Variants in COL22A1 observed in about 807,000 individuals in gnomAD.
COL22A1 encodes the protein collagen alpha-1(XXII) chain.
A neutral mutation model predicts 248.9 loss-of-function variants in COL22A1; 221 were observed. The observed-to-expected ratio is 0.89, with a 90% CI of 0.80 to 0.99. The LOEUF (loss-of-function observed/expected upper bound fraction) is 0.99. Ranked by LOEUF, COL22A1 falls within the 50% of genes least tolerant of loss-of-function variation. The probability of loss-of-function intolerance (pLI) is 0.00; values close to 1 mark genes in which losing one functional copy is unlikely to be tolerated. For missense variants in COL22A1, 2,240 were observed against 2,179.0 expected (o/e 1.03, Z -0.56); for synonymous variants, 891 against 793.4 (o/e 1.12, Z -2.07).
chr8:138,776,089 A>G, intron 15 of COL22A1, 79 bp from the exon 16 acceptor site: 1 of 1,443,144 alleles, frequency 6.9e-7, no homozygotes, highest in Non-Finnish European at 9.8e-7. Context: ...TCCATGGAGA[A>G]ACTGCCTGGC....
chr8:138,813,049 G>C (rs773680189), intron 7 of COL22A1, 30 bp from the exon 8 acceptor site: 5 of 1,581,744 alleles, frequency 3.2e-6, no homozygotes, highest in Non-Finnish European at 4.3e-6. Flanking sequence ...GAGAGGATAA[G>C]TTTTAGGGAC....
chr8:138,715,778 G>A (rs770750296), intron 29 of COL22A1, 43 bp from the exon 30 acceptor site: 19 of 1,418,112 alleles, frequency 1.3e-5, no homozygotes, highest in African/African-American at 2.9e-5. Flanking sequence ...AACCCAAACC[G>A]AGCTGAATTC....
intron 60 of COL22A1, among the ~76,000 whole-genome samples, chr8:138,600,320 C>T (rs868084921): frequency 6.6e-6 from 1 of 152,158 alleles, no homozygotes; most frequent in South Asian, 2.1e-4. Flanking sequence ...AAAGAAGAGA[C>T]ACCAGATGGT....
chr8:138,602,091 A>G (rs998870981), intron 60 of COL22A1, 24 bp downstream of exon 60: 2 of 1,613,816 alleles, frequency 1.2e-6, no homozygotes, highest in Admixed American at 1.7e-5. Flanking sequence ...CGGCGTGTTC[A>G]AGGTGCCTGT....
At chr8:138,867,140 A>G (rs1336426305) in intron 3 of COL22A1, among the ~76,000 whole-genome samples, 1 of 152,096 alleles carries the variant, frequency 6.6e-6, no homozygotes, top group African/African-American at 2.4e-5. Flanking sequence ...TCCCAGTGTG[A>G]GAGCAGCCAT....
intron 3 of COL22A1, among the ~76,000 whole-genome samples, chr8:138,845,227 G>A (rs889339254): frequency 6.6e-6 from 1 of 151,986 alleles, no homozygotes; most frequent in Non-Finnish European, 1.5e-5. Context: ...CTAAAAAGTT[G>A]GAAGAAGGGC....
intron 49 of COL22A1, 125 bp downstream of exon 49, chr8:138,634,885 C>A (rs1202492829): frequency 4.1e-6 from 3 of 739,716 alleles, no homozygotes; most frequent in Non-Finnish European, 7.0e-6. Context: ...ACTCTGTCAC[C>A]TTTTGGGTGT....
intron 34 of COL22A1, 82 bp from the exon 35 acceptor site, chr8:138,693,781 T>C: frequency 7.1e-7 from 1 of 1,412,634 alleles, no homozygotes; most frequent in Non-Finnish European, 9.8e-7. Context: ...GTCTCGGGAA[T>C]ACCGTGCTCA....
intron 27 of COL22A1, among the ~76,000 whole-genome samples, chr8:138,718,501 T>C (rs1189373123): frequency 6.6e-6 from 1 of 152,244 alleles, no homozygotes; most frequent in Non-Finnish European, 1.5e-5. Context: ...CGGTATCTTC[T>C]TGAATTCTCG....
intron 56 of COL22A1, 118 bp from the exon 57 acceptor site, chr8:138,608,107 G>T: frequency 1.3e-6 from 1 of 786,864 alleles, no homozygotes; most frequent in Non-Finnish European, 2.0e-6. Flanking sequence ...ACTCTAGCCA[G>T]TGTGGCTCTC....
At position 138,785,347 on chromosome 8, in the gene COL22A1, G is replaced by A. The variant is rs554789647; in HGVS notation, c.1597-4367C>T. On this transcript the variant is annotated intron_variant, in intron 12 of 64. Transcript: ENST00000303045. The stretch of plus-strand genomic sequence containing the variant: ...CTACCTGCCTCTTGCACTAACCTGG[G>A]CAAATGATGATGTCCATTTCCAGGG... Among the ~76,000 whole-genome samples, 6 of 152,282 alleles carry A rather than the reference G, an allele frequency of 3.9e-5. No homozygotes were observed. The South Asian group carries it at 1.2e-3, about 32-fold the overall frequency.
At chr8:138,670,124 C>T (rs1487849962) in intron 41 of COL22A1, among the ~76,000 whole-genome samples, 2 of 152,076 alleles carry the variant, frequency 1.3e-5, no homozygotes, top group Admixed American at 6.5e-5. Flanking sequence ...TGACCTCAGG[C>T]AATTCACCTG....
At chr8:138,772,335 G>T (rs1312146077) in intron 16 of COL22A1, among the ~76,000 whole-genome samples, 1 of 152,198 alleles carries the variant, frequency 6.6e-6, no homozygotes, top group Non-Finnish European at 1.5e-5. Flanking sequence ...ATATGTGTGT[G>T]GGGGTGGGTG....
intron 64 of COL22A1, 79 bp downstream of exon 64, chr8:138,591,345 C>T (rs1817023624): frequency 7.7e-6 from 8 of 1,040,860 alleles, no homozygotes; most frequent in Non-Finnish European, 9.6e-6. Flanking sequence ...ACTGCTGAGT[C>T]CTGTGGGGCC....
chr8:138,685,419 T>C lies in COL22A1; in HGVS notation c.2863-107A>G. 6 of 852,186 alleles carry C rather than the reference T, an allele frequency of 7.0e-6. No homozygotes were observed. The South Asian group carries it at 9.1e-5, about 13-fold the overall frequency. 52.8% of individuals were successfully genotyped at this position (852,186 alleles called of 1,614,324 possible). A position where few individuals can be genotyped will look rare whatever the true frequency, so the allele number is the denominator to read the frequency against. On this transcript the variant is annotated intron_variant, in intron 37 of 64. Transcript: ENST00000303045. ...TGTAGGTTTCCTGGGGCTGCCTTTA[T>C]GATTTTAGAAGGCCCATGCTTTCTG...
chr8:138,813,317 T>C (rs1332714461), intron 7 of COL22A1, among the ~76,000 whole-genome samples: 2 of 152,014 alleles, frequency 1.3e-5, no homozygotes, highest in African/African-American at 4.8e-5. Flanking sequence ...GATAACTGAA[T>C]CATGGAGAGG....
chr8:138,801,832 A>G (rs1018489308), intron 11 of COL22A1, among the ~76,000 whole-genome samples: 2 of 152,052 alleles, frequency 1.3e-5, no homozygotes, highest in African/African-American at 4.8e-5. Flanking sequence ...GTGAGCAAAG[A>G]TCATGCCACT....
chr8:138,762,117 C>G (rs534672484), intron 17 of COL22A1, among the ~76,000 whole-genome samples: 2 of 152,336 alleles, frequency 1.3e-5, no homozygotes, highest in South Asian at 4.1e-4. Context: ...GCAATGAGCG[C>G]TGCTTACACA....
intron 32 of COL22A1, among the ~76,000 whole-genome samples, chr8:138,699,555 T>C (rs1827786203): frequency 6.6e-6 from 1 of 152,204 alleles, no homozygotes; most frequent in African/African-American, 2.4e-5. Context: ...GGAAAAAGGT[T>C]TCTAGACGTT....
Sources: gnomAD v4.1 joint callset for allele counts (sites outside exome capture counted in the v4.1 genomes callset) on GRCh38, gnomAD v4.1.1 for gene constraint, MANE v1.5 for transcripts, NCBI Gene and HGNC (gene_info 2026-07-23, HGNC 2026-07-21) for gene names.